RNF157: variants seen among roughly 807,000 people sequenced by gnomAD.
RNF157 encodes the protein ring finger protein 157.
In RNF157, 55 loss-of-function variants were observed where a neutral mutation model predicts 88.3. That is an observed-to-expected ratio of 0.62 (90% CI 0.50 to 0.78). The LOEUF (loss-of-function observed/expected upper bound fraction) is 0.78, where lower values mean the gene tolerates loss of function less well. Among genes scored for constraint, RNF157 ranks in the 30% least tolerant of loss-of-function variants. The pLI is 0.00. For synonymous variants in RNF157, 334 were observed against 341.2 expected (o/e 0.98, Z 0.23); for missense variants, 788 against 860.8 (o/e 0.92, Z 1.06).
chr17:76,229,770 G>T (rs1424310189), intron 1 of RNF157, among the ~76,000 whole-genome samples: 6 of 152,128 alleles, frequency 3.9e-5, no homozygotes, highest in African/African-American at 1.4e-4. Flanking sequence ...GTACGTATGG[G>T]TGCTTCTGTT....
chr17:76,239,927 C>T (rs953621453), intron 1 of RNF157, among the ~76,000 whole-genome samples: 5 of 152,132 alleles, frequency 3.3e-5, no homozygotes, highest in Non-Finnish European at 5.9e-5. Flanking sequence ...GGGCTCGGTG[C>T]CCTCGGTGAC....
In RNF157 at chr17:76,191,815, A is replaced by G. The variant is rs1454097601; in HGVS notation, c.208-18025T>C. 2.0e-5 allele frequency among the ~76,000 whole-genome samples: 3 copies of G among 152,110 alleles called. No homozygotes were observed. The East Asian group carries it at 5.8e-4, about 29-fold the overall frequency. On this transcript the variant is annotated intron_variant, in intron 2 of 18. Coordinates refer to ENST00000269391, the MANE Select transcript of RNF157 (RefSeq NM_052916.3). ...TAAAGATAAAGTATATGTCTGATTA[A>G]TTTCTGTAATAATCAGGGCTACTAT...
intron 2 of RNF157, among the ~76,000 whole-genome samples, chr17:76,187,185 CTT>C (rs2069306072): frequency 6.6e-6 from 1 of 151,378 alleles, no homozygotes; most frequent in African/African-American, 2.4e-5. Context: ...TTTTTTTCTT[CTT>C]CTTTTTTTTT....
At chr17:76,186,839 C>A (rs2069298810) in intron 2 of RNF157, among the ~76,000 whole-genome samples, 1 of 151,854 alleles carries the variant, frequency 6.6e-6, no homozygotes, top group South Asian at 2.1e-4. Context: ...ACTTGGGAGG[C>A]TGAGGCAGGA....
At chr17:76,238,707 T>C (rs1380539182) in intron 1 of RNF157, among the ~76,000 whole-genome samples, 1 of 152,230 alleles carries the variant, frequency 6.6e-6, no homozygotes, top group African/African-American at 2.4e-5. Context: ...CAAATACTGC[T>C]GCATATTTTT....
chr17:76,166,498 G>T lies in RNF157; in HGVS notation c.591C>A (p.Tyr197Ter), dbSNP rs778191295. 2 of 1,613,822 alleles carry T rather than the reference G, an allele frequency of 1.2e-6. No homozygotes were observed. The change falls in exon 6 of 19, where the codon TAC becomes TAA. Residue 197 changes from tyrosine (Y) to a stop codon, truncating the protein, a stop_gained. Coordinates refer to ENST00000269391, the MANE Select transcript of RNF157 (RefSeq NM_052916.3). LOFTEE classifies it high-confidence loss of function. ...ELGFDLDREV[Y>*]PLVVHAVVDE... ...CCACCACGGCATGTACCACTAGAGG[G>T]TAAACTTCTCGGTCTAAATCAAAGC...
chr17:76,154,164 C>T (rs973111638), intron 17 of RNF157, 119 bp downstream of exon 17: 2 of 748,720 alleles, frequency 2.7e-6, no homozygotes, highest in South Asian at 1.5e-5. Flanking sequence ...TTTCCTCTAA[C>T]AGCCCCATAC....
At chr17:76,172,300 T>G (rs1338456135) in intron 3 of RNF157, among the ~76,000 whole-genome samples, 1 of 151,100 alleles carries the variant, frequency 6.6e-6, no homozygotes, top group Non-Finnish European at 1.5e-5. Context: ...GGTGACAAAG[T>G]GAGACTCTGG....
intron 3 of RNF157, among the ~76,000 whole-genome samples, chr17:76,171,210 T>C (rs186099755): frequency 4.3e-5 from 6 of 139,924 alleles, no homozygotes; most frequent in East Asian, 4.3e-4. Flanking sequence ...TATTTTTTAG[T>C]TGGAGTCTCA....
chr17:76,152,735 A>G (rs2068699818), intron 17 of RNF157, among the ~76,000 whole-genome samples: 1 of 152,208 alleles, frequency 6.6e-6, no homozygotes, highest in Non-Finnish European at 1.5e-5. Context: ...TGTGGGACAC[A>G]GGCTCAACAG....
intron 1 of RNF157, chr17:76,226,575 C>T: frequency 1.2e-6 from 2 of 1,613,582 alleles, no homozygotes; most frequent in Non-Finnish European, 1.7e-6. Flanking sequence ...CCAGAGAAGG[C>T]ATCCTCCTTG....
chr17:76,216,184 T>C (rs2145036828), intron 1 of RNF157, among the ~76,000 whole-genome samples: 1 of 152,292 alleles, frequency 6.6e-6, no homozygotes, highest in African/African-American at 2.4e-5. Context: ...TCTGGAATTG[T>C]CTAGGTTGAC....
intron 1 of RNF157, among the ~76,000 whole-genome samples, chr17:76,213,608 A>C (rs2069839852): frequency 6.6e-6 from 1 of 150,380 alleles, no homozygotes; most frequent in Non-Finnish European, 1.5e-5. Context: ...ATCCAAAGTG[A>C]TGTCTTTTTT....
At chr17:76,156,614 G>T in intron 13 of RNF157, 1 of 768,506 alleles carries the variant, frequency 1.3e-6, no homozygotes, top group Non-Finnish European at 1.6e-6. Context: ...TCACCCTGCA[G>T]CTGTGACATG....
intron 18 of RNF157, among the ~76,000 whole-genome samples, chr17:76,151,984 C>A (rs575969954): frequency 6.6e-6 from 1 of 152,154 alleles, no homozygotes; most frequent in South Asian, 2.1e-4. Context: ...GCAATCCTTC[C>A]AAGACCTTCG....
intron 1 of RNF157, among the ~76,000 whole-genome samples, chr17:76,228,085 T>C (rs1198034009): frequency 6.6e-6 from 1 of 152,172 alleles, no homozygotes; most frequent in Admixed American, 6.5e-5. Context: ...TTGTGGGGTT[T>C]TTTTCTAAAA....
chr17:76,180,431 G>A (rs974030931), intron 2 of RNF157, among the ~76,000 whole-genome samples: 4 of 151,992 alleles, frequency 2.6e-5, no homozygotes, highest in African/African-American at 9.7e-5. Context: ...CCTTTCATGG[G>A]GTAAAACTTG....
chr17:76,187,722 T>C (rs1301869035), intron 2 of RNF157, among the ~76,000 whole-genome samples: 1 of 152,014 alleles, frequency 6.6e-6, no homozygotes, highest in Admixed American at 6.6e-5. Context: ...GCTTCTCGAG[T>C]AGCTGGGATT....
At chr17:76,203,821 G>A (rs112362293) in intron 2 of RNF157, among the ~76,000 whole-genome samples, 17 of 148,032 alleles carry the variant, frequency 1.1e-4, no homozygotes, top group Non-Finnish European at 2.4e-4. Flanking sequence ...AGGCTGGAGT[G>A]CAGTGGCACG....
Sources: gnomAD v4.1 joint callset for allele counts (sites outside exome capture counted in the v4.1 genomes callset) on GRCh38, gnomAD v4.1.1 for gene constraint, MANE v1.5 for transcripts, NCBI Gene and HGNC (gene_info 2026-07-23, HGNC 2026-07-21) for gene names.